The following EPHB3 variants were observed in gnomAD, a reference collection of about 807,000 sequenced individuals.
The protein encoded by EPHB3 is EPH receptor B3.
A neutral mutation model predicts 100.2 loss-of-function variants in EPHB3; 33 were observed. The observed-to-expected ratio is 0.33, with a 90% CI of 0.25 to 0.44. The LOEUF is 0.44. EPHB3 is among the 20% of genes least tolerant of loss of function. The probability of loss-of-function intolerance (pLI) is 1.00; values close to 1 mark genes in which losing one functional copy is unlikely to be tolerated. For missense variants in EPHB3, 1,045 were observed against 1,378.3 expected (o/e 0.76, Z 3.83); for synonymous variants, 526 against 554.7 (o/e 0.95, Z 0.73).
In EPHB3 at chr3:184,577,840, C is replaced by A; in HGVS notation, c.1639+23C>A. On this transcript the variant is annotated intron_variant, in intron 7 of 15. Coordinates refer to ENST00000330394, the MANE Select transcript of EPHB3 (RefSeq NM_004443.4). The surrounding 1 kb of genome is among the most constrained non-coding windows in gnomAD (Gnocchi z 4.9). ...GAGGTTAGTAGCCCCCTGCGCCTGT[C>A]CCCATCGCGGCCCTCACTCTCTGTC... The A allele has an allele frequency of 6.2e-7, 1 of 1,605,592 alleles. No individual in the cohort carries two copies. Among genetic ancestry groups the A allele is most frequent in the Non-Finnish European group, 8.5e-7 (1 of 1,174,242 alleles).
chr3:184,581,139 C>A lies in EPHB3; in HGVS notation c.2706C>A (p.Leu902=). 2 of 1,614,214 alleles carry A rather than the reference C, an allele frequency of 1.2e-6. No individual in the cohort carries two copies. Among genetic ancestry groups the A allele is most frequent in the Non-Finnish European group, 1.7e-6 (2 of 1,180,044 alleles). ...AGCTCATCCGCAATGCTGCCAGCCT[C>A]AAGGTCATTGCCAGCGCTCAGTCTG... ...LDKLIRNAAS[L]KVIASAQSGM... The change falls in exon 14 of 16, where the codon CTC becomes CTA. Residue 902 remains leucine, a synonymous_variant. Coordinates refer to ENST00000330394, the MANE Select transcript of EPHB3 (RefSeq NM_004443.4).
At position 184,563,108 on chromosome 3, in the gene EPHB3, G is replaced by C. The variant is rs1183946881; in HGVS notation, c.118+755G>C. 6.6e-6 allele frequency among the ~76,000 whole-genome samples: 1 copy of C among 152,232 alleles called. No homozygotes were observed. Among genetic ancestry groups the C allele is most frequent in the Non-Finnish European group, 1.5e-5 (1 of 68,036 alleles). ...TTCTGTGAAACCTGCCAAGACTGCT[G>C]TGGGGGGCAGCTCCAACTTCCAAAT... On this transcript the variant is annotated intron_variant, in intron 1 of 15. Transcript: ENST00000330394. The surrounding 1 kb of genome is among the most constrained non-coding windows in gnomAD (Gnocchi z 4.1).
rs373327632 is a variant in EPHB3 at position 184,579,760 on chromosome 3, G to A, written c.1998G>A (p.Thr666=). 3.7e-5 allele frequency: 60 copies of A among 1,612,740 alleles called. No homozygotes were observed. The South Asian group carries it at 5.4e-4, about 14-fold the overall frequency. The part of the protein sequence containing the change: ...GRREVFVAIK[T]LKVGYTERQR... ...GAGAGGTGTTTGTGGCCATCAAGACGCTGAAGGTGGGCTACACCGAGAGGC... is the reference window on the plus strand; with the variant it reads ...GAGAGGTGTTTGTGGCCATCAAGACACTGAAGGTGGGCTACACCGAGAGGC... The change falls in exon 11 of 16, where the codon ACG becomes ACA. Residue 666 remains threonine, a synonymous_variant. Coordinates refer to ENST00000330394, the MANE Select transcript of EPHB3 (RefSeq NM_004443.4). The surrounding 1 kb of genome is among the most constrained non-coding windows in gnomAD (Gnocchi z 5.2).
chr3:184,576,567 G>A (rs1445063926), intron 4 of EPHB3, among the ~76,000 whole-genome samples: 1 of 152,244 alleles, frequency 6.6e-6, no homozygotes, highest in Non-Finnish European at 1.5e-5. Context: ...TAAGAGCTGG[G>A]CTAGAAGGCT....
chr3:184,575,773 G>A, intron 3 of EPHB3, 57 bp from the exon 4 acceptor site: 1 of 1,523,476 alleles, frequency 6.6e-7, no homozygotes, highest in Non-Finnish European at 8.8e-7. Flanking sequence ...GAGCTGCGGA[G>A]GTCTGGTGTC....
In EPHB3 at chr3:184,569,868, T is replaced by C. The variant is rs531404626; in HGVS notation, c.119-1450T>C. ...ATGATGTAGAGGCCTCCAGAGGTCC[T>C]GGGGCAACCCTGCCCCATTCCAGCT... On this transcript the variant is annotated intron_variant, in intron 1 of 15. Coordinates refer to ENST00000330394, the MANE Select transcript of EPHB3 (RefSeq NM_004443.4). The surrounding 1 kb of genome is among the most constrained non-coding windows in gnomAD (Gnocchi z 5.4). Among the ~76,000 whole-genome samples, 39 of 152,356 alleles carry C rather than the reference T, an allele frequency of 2.6e-4. No individual in the cohort carries two copies. The South Asian group carries it at 7.7e-3, about 30-fold the overall frequency.
chr3:184,571,297 T>C lies in EPHB3; in HGVS notation c.119-21T>C, dbSNP rs1204042809. ...TCAACCTGAGATTAGTCCCTGACCT[T>C]TTTCTCCGTTGTTCCTCCAGAGACC... On this transcript the variant is annotated intron_variant, in intron 1 of 15. Transcript: ENST00000330394. This position sits in a 1 kb window ranked among gnomAD's most constrained non-coding sequence, Gnocchi z 5.0. 1 of 1,613,700 alleles carries C rather than the reference T, an allele frequency of 6.2e-7. No individual in the cohort carries two copies. The highest frequency in any genetic ancestry group is 1.1e-5 in the South Asian group (1 of 91,068).
In EPHB3 at chr3:184,572,993, A is replaced by G; in HGVS notation, c.673A>G (p.Thr225Ala). The change falls in exon 3 of 16, where the codon ACC becomes GCC. Residue 225 changes from threonine to alanine, a missense_variant. Transcript: ENST00000330394. The surrounding 1 kb of genome is among the most constrained non-coding windows in gnomAD (Gnocchi z 6.6). ...TTAGFALFPE[T>A]LTGAEPTSLV... ...CGCAGGCTTCGCACTCTTCCCCGAG[A>G]CCCTCACTGGGGCGGAGCCCACCTC... is the stretch of plus-strand genomic sequence containing the variant. 1 of 1,609,610 alleles carries G rather than the reference A, an allele frequency of 6.2e-7. No homozygotes were observed. Among genetic ancestry groups the G allele is most frequent in the Non-Finnish European group, 8.5e-7 (1 of 1,177,722 alleles).
intron 1 of EPHB3, among the ~76,000 whole-genome samples, chr3:184,568,473 CGTGT>C (rs1266498280): frequency 2.0e-5 from 3 of 152,210 alleles, no homozygotes; most frequent in Non-Finnish European, 4.4e-5. Context: ...CCCGTCCCAA[CGTGT>C]GTATGTACAA....
Position 184,577,026 on chromosome 3 carries a change from G to A in EPHB3, c.1197G>A (p.Val399=). The A allele has an allele frequency of 6.2e-7, 1 of 1,613,996 alleles. No homozygotes were observed. Among genetic ancestry groups the A allele is most frequent in the African/African-American group, 1.3e-5 (1 of 75,064 alleles). ...CSRCDDNVEF[V]PRQLGLTERR... is the part of the protein sequence containing the mutation. Reference sequence around the variant, plus strand: ...GCTGTGATGACAACGTGGAGTTTGTGCCTCGGCAGCTGGGCCTGACGGAGC... The same window carrying A: ...GCTGTGATGACAACGTGGAGTTTGTACCTCGGCAGCTGGGCCTGACGGAGC... Residue 399 remains valine, a synonymous_variant, in exon 5 of 16, where the codon GTG becomes GTA. Transcript: ENST00000330394. This position sits in a 1 kb window ranked among gnomAD's most constrained non-coding sequence, Gnocchi z 4.9.
rs748695826 is a variant in EPHB3 at position 184,577,651 on chromosome 3, A to G, written c.1480-7A>G. The G allele has an allele frequency of 2.5e-6, 4 of 1,587,988 alleles. No individual in the cohort carries two copies. Among genetic ancestry groups the G allele is most frequent in the Admixed American group, 1.7e-5 (1 of 58,764 alleles). On this transcript the variant is annotated splice_region_variant and splice_polypyrimidine_tract_variant and intron_variant, in intron 6 of 15. Coordinates refer to ENST00000330394, the MANE Select transcript of EPHB3 (RefSeq NM_004443.4). This position sits in a 1 kb window ranked among gnomAD's most constrained non-coding sequence, Gnocchi z 4.9. ...CTGAGGGTGCCCCCTCTCTCCTGGC[A>G]TTGCAGAGCGAGGGCATCGCCTCCA...
chr3:184,576,717 T>A, intron 4 of EPHB3, 125 bp from the exon 5 acceptor site: 1 of 907,666 alleles, frequency 1.1e-6, no homozygotes, highest in Non-Finnish European at 1.6e-6. Context: ...GGAACGTTAT[T>A]CTGCTTATCA....
intron 1 of EPHB3, among the ~76,000 whole-genome samples, chr3:184,567,491 G>A (rs1306057383): frequency 7.0e-6 from 1 of 142,418 alleles, no homozygotes; most frequent in Non-Finnish European, 1.6e-5. Flanking sequence ...GTGTGTGTGT[G>A]TGTGTGTGTG....
chr3:184,576,547 C>A (rs1452229724), intron 4 of EPHB3, among the ~76,000 whole-genome samples: 1 of 152,130 alleles, frequency 6.6e-6, no homozygotes, highest in Non-Finnish European at 1.5e-5. Flanking sequence ...AGATAATGAC[C>A]GTAATGTACT....
chr3:184,579,646 G>T lies in EPHB3; in HGVS notation c.1925-41G>T. 6.2e-7 allele frequency: 1 copy of T among 1,611,074 alleles called. No individual in the cohort carries two copies. The highest frequency in any genetic ancestry group is 8.5e-7 in the Non-Finnish European group (1 of 1,177,650). ...AGAGATGAGAAGCTGAGGCGGGCTG[G>T]GTACAGGAGTGAGTCATAGCTTGTG... On this transcript the variant is annotated intron_variant, in intron 10 of 15. Coordinates refer to ENST00000330394, the MANE Select transcript of EPHB3 (RefSeq NM_004443.4). This position sits in a 1 kb window ranked among gnomAD's most constrained non-coding sequence, Gnocchi z 5.2.
chr3:184,566,672 A>AC (rs1245712399), intron 1 of EPHB3, among the ~76,000 whole-genome samples: 1 of 152,064 alleles, frequency 6.6e-6, no homozygotes, highest in Admixed American at 6.5e-5. Context: ...GTGGCATAGC[A>AC]CTGCTCCAGG....
chr3:184,579,650 C>T lies in EPHB3; in HGVS notation c.1925-37C>T, dbSNP rs199545736. 3.7e-5 allele frequency: 59 copies of T among 1,611,402 alleles called. No homozygotes were observed. The highest frequency in any genetic ancestry group is 1.6e-4 in the Middle Eastern group (1 of 6,076). ...ATGAGAAGCTGAGGCGGGCTGGGTA[C>T]AGGAGTGAGTCATAGCTTGTGCCCT... On this transcript the variant is annotated intron_variant, in intron 10 of 15. Transcript: ENST00000330394. This position sits in a 1 kb window ranked among gnomAD's most constrained non-coding sequence, Gnocchi z 5.2.
At chr3:184,576,229 C>A (rs978140973) in intron 4 of EPHB3, among the ~76,000 whole-genome samples, 1 of 151,342 alleles carries the variant, frequency 6.6e-6, no homozygotes, top group Non-Finnish European at 1.5e-5. Context: ...CCTAGCCATG[C>A]TCAGGAACTT....
chr3:184,578,468 T>G lies in EPHB3; in HGVS notation c.1801+2T>G. Reference sequence around the variant, plus strand: ...ACACGGAGAAGCTGCAGCAGTACAGTGAGTTTGTCCCCGCCGCCCTCCCCA... The same window carrying G: ...ACACGGAGAAGCTGCAGCAGTACAGGGAGTTTGTCCCCGCCGCCCTCCCCA... On this transcript the variant is annotated splice_donor_variant, in intron 9 of 15. Coordinates refer to ENST00000330394, the MANE Select transcript of EPHB3 (RefSeq NM_004443.4). LOFTEE classifies it high-confidence loss of function. The surrounding 1 kb of genome is among the most constrained non-coding windows in gnomAD (Gnocchi z 4.7). The G allele has an allele frequency of 2.5e-6, 4 of 1,613,652 alleles. No individual in the cohort carries two copies. Among genetic ancestry groups the G allele is most frequent in the Non-Finnish European group, 3.4e-6 (4 of 1,179,876 alleles).
Sources: gnomAD v4.1 joint callset for allele counts (sites outside exome capture counted in the v4.1 genomes callset) on GRCh38, gnomAD v4.1.1 for gene constraint, Gnocchi (gnomAD v3.1) non-coding constraint, MANE v1.5 for transcripts, NCBI Gene and HGNC (gene_info 2026-07-23, HGNC 2026-07-21) for gene names.